Variants in CAMTA2 observed in about 807,000 individuals in gnomAD.
The protein encoded by CAMTA2 is calmodulin-binding transcription activator 2.
A neutral mutation model predicts 135.7 loss-of-function variants in CAMTA2; 56 were observed. The observed-to-expected ratio is 0.41, with a 90% CI of 0.33 to 0.52. The LOEUF is 0.52. Among genes scored for constraint, CAMTA2 ranks in the 20% least tolerant of loss-of-function variants. CAMTA2 has a pLI of 0.16. For missense variants in CAMTA2, 1,358 were observed against 1,553.4 expected (o/e 0.87, Z 2.11); for synonymous variants, 591 against 604.6 (o/e 0.98, Z 0.33).
At position 4,981,841 on chromosome 17, in the gene CAMTA2, T is replaced by C. The variant is rs751098545; in HGVS notation, c.412-10A>G. Reference sequence around the variant, plus strand: ...GGACGATGTCAGGGTTCTGAGAGTATAAGGGGACACACAGAGCCATGGGGT... The same window carrying C: ...GGACGATGTCAGGGTTCTGAGAGTACAAGGGGACACACAGAGCCATGGGGT... On this transcript the variant is annotated splice_polypyrimidine_tract_variant and intron_variant, in intron 6 of 22. Transcript: ENST00000348066. The C allele has an allele frequency of 5.0e-6, 8 of 1,590,068 alleles. No individual in the cohort carries two copies. The highest frequency in any genetic ancestry group is 6.9e-6 in the Non-Finnish European group (8 of 1,165,500).
rs759805909 is a variant in CAMTA2, at chr17:4,973,010, CAGGCGG to C, written c.2281-25_2281-20del. Reference sequence around the variant, plus strand: ...CCCACATCTGAGGAAGGGGGCGGGACAGGCGGAGACGGAGGTGGAGGTGAGGCCAGG... The same window carrying C: ...CCCACATCTGAGGAAGGGGGCGGGACAGACGGAGGTGGAGGTGAGGCCAGG... On this transcript the variant is annotated intron_variant, in intron 14 of 22. Transcript: ENST00000348066. The C allele has an allele frequency of 1.2e-6, 2 of 1,602,874 alleles. No homozygotes were observed. The highest frequency in any genetic ancestry group is 2.2e-5 in the East Asian group (1 of 44,840).
Position 4,987,633 on chromosome 17 carries a change from A to G in CAMTA2, c.-105T>C. 1 of 1,523,572 alleles carries G rather than the reference A, an allele frequency of 6.6e-7. No homozygotes were observed. 94.4% of individuals were successfully genotyped at this position (1,523,572 alleles called of 1,614,324 possible). On this transcript the variant is annotated 5_prime_UTR_variant, in exon 1 of 23. Coordinates refer to ENST00000348066, the MANE Select transcript of CAMTA2 (RefSeq NM_015099.4). Reference sequence around the variant, plus strand: ...GGGTGACGGCGGCAGCGGCCATTCTACCCCACACCGACCCCCCCCAGCGCC... The same window carrying G: ...GGGTGACGGCGGCAGCGGCCATTCTGCCCCACACCGACCCCCCCCAGCGCC...
At chr17:4,979,578 G>A in intron 9 of CAMTA2, 106 bp downstream of exon 9, 1 of 695,054 alleles carries the variant, frequency 1.4e-6, no homozygotes. Context: ...CATGAAAACT[G>A]AGGGAAACTA....
In CAMTA2 at chr17:4,968,631, A is replaced by G. The variant is rs956896661; in HGVS notation, c.*125T>C. 1 of 1,032,592 alleles carries G rather than the reference A, an allele frequency of 9.7e-7. No individual in the cohort carries two copies. Among genetic ancestry groups the G allele is most frequent in the Non-Finnish European group, 1.5e-6 (1 of 681,458 alleles). The allele number at this position is 1,032,592 out of a possible 1,614,324, so 64.0% of individuals were successfully genotyped here. On this transcript the variant is annotated 3_prime_UTR_variant, in exon 23 of 23. Coordinates refer to ENST00000348066, the MANE Select transcript of CAMTA2 (RefSeq NM_015099.4). Reference sequence around the variant, plus strand: ...GGCGTGGGGAGGAGGGAGGAGGCCTACAGAGGGCTCCAACAAAGGTGAACA... The same window carrying G: ...GGCGTGGGGAGGAGGGAGGAGGCCTGCAGAGGGCTCCAACAAAGGTGAACA...
intron 17 of CAMTA2, 52 bp downstream of exon 17, chr17:4,970,288 T>C (rs954851747): frequency 6.3e-7 from 1 of 1,591,954 alleles, no homozygotes; most frequent in African/African-American, 1.3e-5. Context: ...GCTTTCTCCC[T>C]TCCTCCCATC....
rs1972095130 is a variant in CAMTA2, at chr17:4,969,048, C to G, written c.3471-67G>C. 6.3e-7 allele frequency: 1 copy of G among 1,591,722 alleles called. No individual in the cohort carries two copies. The highest frequency in any genetic ancestry group is 1.4e-5 in the African/African-American group (1 of 74,042). On this transcript the variant is annotated intron_variant, in intron 21 of 22. Coordinates refer to ENST00000348066, the MANE Select transcript of CAMTA2 (RefSeq NM_015099.4). The surrounding 1 kb of genome is among the most constrained non-coding windows in gnomAD (Gnocchi z 5.6). ...CATGCCTTCGGCCCCCCCAGGAACC[C>G]TAGGCAGGGAATGGCAGTGAGGCAT...
Position 4,980,105 on chromosome 17 carries a change from G to T in CAMTA2, c.1217C>A (p.Ala406Asp), listed in dbSNP as rs1393454526. Residue 406 changes from alanine to aspartate, a missense_variant, in exon 9 of 23, where the codon GCT becomes GAT. By Grantham distance (126) the Ala-to-Asp change is moderately radical. Transcript: ENST00000348066. This position sits in a 1 kb window ranked among gnomAD's most constrained non-coding sequence, Gnocchi z 5.3. The part of the protein sequence containing the change: ...VSPDFPEAEA[A>D]HTPCSALEPA... ...CTCTAGGGCAGAACAGGGGGTATGA[G>T]CGGCCTCTGCCTCGGGGAAGTCTGG... 1.4e-5 allele frequency: 22 copies of T among 1,610,820 alleles called. No homozygotes were observed. Among genetic ancestry groups the T allele is most frequent in the Non-Finnish European group, 1.8e-5 (21 of 1,177,932 alleles).
rs773247992 is a variant in CAMTA2 at position 4,972,781 on chromosome 17, TGGA to T, written c.2488_2490del (p.Ser831del). ...GGGCCACCCTCACCAGTGTCTGGGC[TGGA>T]GGAGGGTGGCGATAGGGCAAATGGG... On this transcript the variant is annotated inframe_deletion, in exon 15 of 23. Transcript: ENST00000348066. 1 of 1,613,414 alleles carries T rather than the reference TGGA, an allele frequency of 6.2e-7. No homozygotes were observed. Among genetic ancestry groups the T allele is most frequent in the Non-Finnish European group, 8.5e-7 (1 of 1,179,640 alleles).
At chr17:4,978,719 C>G in intron 9 of CAMTA2, 89 bp from the exon 10 acceptor site, 2 of 1,455,376 alleles carry the variant, frequency 1.4e-6, no homozygotes, top group Non-Finnish European at 1.9e-6. Flanking sequence ...AGGGTATCTA[C>G]TATATGGCAG....
chr17:4,970,446 C>A lies in CAMTA2; in HGVS notation c.2899G>T (p.Ala967Ser). Residue 967 changes from alanine to serine, a missense_variant, in exon 17 of 23, where the codon GCC becomes TCC. Ala to Ser is a moderately conservative substitution (Grantham distance 99). Transcript: ENST00000348066. ...EDFVGLPEAG[A>S]SMRERTGAVG... ...GCCCCTGTCCGCTCCCGCATTGAGG[C>A]TCCAGCCTCGGGCAGCCCCACGAAG... is the stretch of plus-strand genomic sequence containing the variant. 2 of 1,614,094 alleles carry A rather than the reference C, an allele frequency of 1.2e-6. No individual in the cohort carries two copies. Among genetic ancestry groups the A allele is most frequent in the African/African-American group, 1.3e-5 (1 of 75,010 alleles).
Position 4,987,625 on chromosome 17 carries a change from G to C in CAMTA2, c.-97C>G, listed in dbSNP as rs1973446028. The stretch of plus-strand genomic sequence containing the variant: ...GGTCCCGCGGGTGACGGCGGCAGCG[G>C]CCATTCTACCCCACACCGACCCCCC... On this transcript the variant is annotated 5_prime_UTR_variant, in exon 1 of 23. Transcript: ENST00000348066. The C allele has an allele frequency of 6.5e-7, 1 of 1,527,786 alleles. No individual in the cohort carries two copies. The highest frequency in any genetic ancestry group is 2.0e-5 in the Admixed American group (1 of 50,244). 94.6% of individuals were successfully genotyped at this position (1,527,786 alleles called of 1,614,324 possible). A position where few individuals can be genotyped will look rare whatever the true frequency, so the allele number is the denominator to read the frequency against.
intron 5 of CAMTA2, 123 bp from the exon 6 acceptor site, chr17:4,982,283 CG>C: frequency 1.4e-6 from 1 of 718,610 alleles, no homozygotes; most frequent in Non-Finnish European, 2.5e-6. Flanking sequence ...CCCCCACCCT[CG>C]CCCCCACCTA....
At chr17:4,970,139 C>A in intron 17 of CAMTA2, 54 bp from the exon 18 acceptor site, 2 of 1,555,894 alleles carry the variant, frequency 1.3e-6, no homozygotes, top group Non-Finnish European at 8.8e-7. Context: ...CCCTCCTCTG[C>A]CACCTATGGA....
In CAMTA2 at chr17:4,987,595, C is replaced by T. The variant is rs1973443587; in HGVS notation, c.-67G>A. The stretch of plus-strand genomic sequence containing the variant: ...GGGCGAGAGGCCCTGGCTCTTACCT[C>T]CCGGGGTCCCGCGGGTGACGGCGGC... On this transcript the variant is annotated splice_region_variant and 5_prime_UTR_variant, in exon 1 of 23. Coordinates refer to ENST00000348066, the MANE Select transcript of CAMTA2 (RefSeq NM_015099.4). 3.3e-6 allele frequency: 5 copies of T among 1,527,138 alleles called. No individual in the cohort carries two copies. The highest frequency in any genetic ancestry group is 1.4e-5 in the African/African-American group (1 of 71,748). 94.6% of individuals were successfully genotyped at this position (1,527,138 alleles called of 1,614,324 possible).
At position 4,969,576 on chromosome 17, in the gene CAMTA2, G is replaced by T; in HGVS notation, c.3261+54C>A. 6.2e-7 allele frequency: 1 copy of T among 1,613,566 alleles called. No homozygotes were observed. Among genetic ancestry groups the T allele is most frequent in the Non-Finnish European group, 8.5e-7 (1 of 1,179,480 alleles). On this transcript the variant is annotated intron_variant, in intron 19 of 22. Coordinates refer to ENST00000348066, the MANE Select transcript of CAMTA2 (RefSeq NM_015099.4). The surrounding 1 kb of genome is among the most constrained non-coding windows in gnomAD (Gnocchi z 5.6). ...TGGCAACATTCTGGAATGGTTAGGC[G>T]TGGGTGTGGGTTGGTGGGTTGCTGG...
At chr17:4,976,967 T>C in intron 11 of CAMTA2, 91 bp downstream of exon 11, 1 of 1,264,652 alleles carries the variant, frequency 7.9e-7, no homozygotes, top group Non-Finnish European at 1.1e-6. Context: ...GGGGGCTCAG[T>C]GATGGCCACC....
Position 4,969,890 on chromosome 17 carries a change from C to G in CAMTA2, c.3189+12G>C. 1.2e-6 allele frequency: 2 copies of G among 1,613,310 alleles called. No individual in the cohort carries two copies. The highest frequency in any genetic ancestry group is 1.1e-5 in the South Asian group (1 of 91,060). ...AGATTGTGTAATTCATCCTGAGACC[C>G]CTGCCCCTGACCTTGTACTTTCGGA... On this transcript the variant is annotated intron_variant, in intron 18 of 22. Coordinates refer to ENST00000348066, the MANE Select transcript of CAMTA2 (RefSeq NM_015099.4). This position sits in a 1 kb window ranked among gnomAD's most constrained non-coding sequence, Gnocchi z 5.6.
rs1485761900 is a variant in CAMTA2 at position 4,980,064 on chromosome 17, C to T, written c.1258G>A (p.Glu420Lys). ...GGACCCCGAGCAGCTGCCTGGGGCT[C>T]CAGGGCAGCAGCAGGCTCTAGGGCA... ...CSALEPAAAL[E>K]PQAAARGPPP... The change falls in exon 9 of 23, where the codon GAG (glutamate) becomes AAG (lysine). Residue 420 changes from glutamate to lysine, a missense_variant. By Grantham distance (56) the Glu-to-Lys change is moderately conservative (BLOSUM62 1). Around this residue, in one of 4 missense-constraint regions of CAMTA2, gnomAD observed 1,077 missense variants for 1,127.5 expected, o/e 0.96. Transcript: ENST00000348066. This position sits in a 1 kb window ranked among gnomAD's most constrained non-coding sequence, Gnocchi z 5.3. The T allele has an allele frequency of 6.2e-7, 1 of 1,613,800 alleles. No individual in the cohort carries two copies. Among genetic ancestry groups the T allele is most frequent in the Non-Finnish European group, 8.5e-7 (1 of 1,179,918 alleles).
At chr17:4,981,922 T>C (rs1972984618) in intron 6 of CAMTA2, 91 bp from the exon 7 acceptor site, 1 of 1,397,536 alleles carries the variant, frequency 7.2e-7, no homozygotes, top group Non-Finnish European at 9.8e-7. Flanking sequence ...GGCACCCTCC[T>C]AACCTCGCCC....
Sources: gnomAD v4.1 joint callset for allele counts on GRCh38, gnomAD v4.1.1 for gene constraint, gnomAD v4.1.1 regional missense constraint, Gnocchi (gnomAD v3.1) non-coding constraint, MANE v1.5 for transcripts, NCBI Gene and HGNC (gene_info 2026-07-23, HGNC 2026-07-21) for gene names.